ZNF804A: variants seen among roughly 807,000 people sequenced by gnomAD.
ZNF804A encodes the protein zinc finger protein 804A.
ZNF804A carries 2 observed loss-of-function variants against 16.5 expected under a neutral mutation model. That is an observed-to-expected ratio of 0.12 (90% CI 0.05 to 0.38). The LOEUF (loss-of-function observed/expected upper bound fraction) is 0.38, where lower values mean the gene tolerates loss of function less well. ZNF804A is among the 10% of genes least tolerant of loss of function. The probability of loss-of-function intolerance (pLI) is 0.99; values close to 1 mark genes in which losing one functional copy is unlikely to be tolerated. For synonymous variants in ZNF804A, 534 were observed against 489.6 expected (o/e 1.09, Z -1.20); for missense variants, 1,473 against 1,390.7 (o/e 1.06, Z -0.94).
At chr2:184,683,153 T>C (rs997258014) in intron 1 of ZNF804A, among the ~76,000 whole-genome samples, 1 of 152,248 alleles carries the variant, frequency 6.6e-6, no homozygotes, top group Non-Finnish European at 1.5e-5. Context: ...GGCATCGTAT[T>C]ATGTCTCTGT....
At chr2:184,825,628 T>C (rs923845769) in intron 1 of ZNF804A, among the ~76,000 whole-genome samples, 1 of 152,064 alleles carries the variant, frequency 6.6e-6, no homozygotes, top group African/African-American at 2.4e-5. Context: ...AGAAAGAAAC[T>C]CTTGACCAGG....
chr2:184,833,355 A>G (rs767175609), intron 1 of ZNF804A, among the ~76,000 whole-genome samples: 4 of 152,002 alleles, frequency 2.6e-5, no homozygotes, highest in Non-Finnish European at 4.4e-5. Flanking sequence ...AGATCTTCAG[A>G]TCAGTTCTGT....
intron 1 of ZNF804A, among the ~76,000 whole-genome samples, chr2:184,834,350 C>T (rs1178152365): frequency 6.6e-6 from 1 of 152,082 alleles, no homozygotes; most frequent in South Asian, 2.1e-4. Context: ...ACATGATACT[C>T]CAGATTCATC....
chr2:184,816,097 G>A (rs111751814), intron 1 of ZNF804A, among the ~76,000 whole-genome samples: 2 of 151,916 alleles, frequency 1.3e-5, no homozygotes, highest in African/African-American at 2.4e-5. Context: ...GCTGATTCTC[G>A]TTTCCCTCAG....
In ZNF804A at chr2:184,763,754, TG is replaced by T. The variant is rs534101849; in HGVS notation, c.112-102614del. ...ACCTCCCGGGTTCATGCCATTCTCC[TG>T]CCTCAGCCTCCTGAGTAGCTGGGAC... On this transcript the variant is annotated intron_variant, in intron 1 of 3. Transcript: ENST00000302277. Among the ~76,000 whole-genome samples, 617 of 144,224 alleles carry T rather than the reference TG, an allele frequency of 4.3e-3. 5 individuals are homozygous for T. Among genetic ancestry groups the T allele is most frequent in the African/African-American group, 0.015 (586 of 39,524 alleles). The allele number at this position is 144,224 out of a possible 152,430, so 94.6% of individuals were successfully genotyped here. A position where few individuals can be genotyped will look rare whatever the true frequency, so the allele number is the denominator to read the frequency against.
intron 1 of ZNF804A, among the ~76,000 whole-genome samples, chr2:184,809,455 T>A (rs943301407): frequency 4.6e-5 from 7 of 151,834 alleles, no homozygotes; most frequent in African/African-American, 1.7e-4. Flanking sequence ...ATTTAAAATA[T>A]AGAAAATATT....
At chr2:184,600,123 A>C (rs893682241) in intron 1 of ZNF804A, among the ~76,000 whole-genome samples, 2 of 152,194 alleles carry the variant, frequency 1.3e-5, no homozygotes, top group African/African-American at 2.4e-5. Context: ...TGAGGAGAGT[A>C]GAAGTTTAAG....
At chr2:184,719,464 T>C (rs1407528416) in intron 1 of ZNF804A, among the ~76,000 whole-genome samples, 1 of 152,188 alleles carries the variant, frequency 6.6e-6, no homozygotes, top group African/African-American at 2.4e-5. Flanking sequence ...TTCTTTACTA[T>C]CATGTTGTCA....
intron 1 of ZNF804A, among the ~76,000 whole-genome samples, chr2:184,819,461 A>G (rs1217776987): frequency 6.6e-6 from 1 of 151,972 alleles, no homozygotes; most frequent in African/African-American, 2.4e-5. Flanking sequence ...CCCACATCAA[A>G]AAGTTAGAAA....
At chr2:184,604,294 C>T (rs917185274) in intron 1 of ZNF804A, among the ~76,000 whole-genome samples, 1 of 151,054 alleles carries the variant, frequency 6.6e-6, no homozygotes, top group Non-Finnish European at 1.5e-5. Flanking sequence ...CCTCAGCCTC[C>T]CGAGTAGCTG....
chr2:184,774,002 A>C (rs1338643176), intron 1 of ZNF804A, among the ~76,000 whole-genome samples: 1 of 151,878 alleles, frequency 6.6e-6, no homozygotes, highest in East Asian at 1.9e-4. Context: ...GAGCTGTGTC[A>C]GTAAAAATTA....
At chr2:184,918,621 T>C (rs1194064998) in intron 2 of ZNF804A, among the ~76,000 whole-genome samples, 3 of 152,160 alleles carry the variant, frequency 2.0e-5, no homozygotes, top group African/African-American at 7.2e-5. Flanking sequence ...ATGAGGGTAA[T>C]CAAACAGTAT....
chr2:184,725,056 A>G (rs1380998415), intron 1 of ZNF804A, among the ~76,000 whole-genome samples: 4 of 151,806 alleles, frequency 2.6e-5, no homozygotes, highest in East Asian at 1.9e-4. Flanking sequence ...TAAGGCTTTC[A>G]CTATTGAATA....
At chr2:184,876,816 T>A (rs1684692163) in intron 2 of ZNF804A, among the ~76,000 whole-genome samples, 1 of 152,106 alleles carries the variant, frequency 6.6e-6, no homozygotes, top group African/African-American at 2.4e-5. Context: ...CTGTTGAGGG[T>A]AGGGAGCAAA....
At chr2:184,661,291 C>T (rs1197073962) in intron 1 of ZNF804A, among the ~76,000 whole-genome samples, 1 of 152,008 alleles carries the variant, frequency 6.6e-6, no homozygotes, top group Non-Finnish European at 1.5e-5. Context: ...TATAGTTCAA[C>T]GAGTAGGAAG....
rs139933035 is a variant in ZNF804A, at chr2:184,618,695, A to G, written c.111+19625A>G. Among the ~76,000 whole-genome samples, 7 of 152,170 alleles carry G rather than the reference A, an allele frequency of 4.6e-5. No homozygotes were observed. The East Asian group carries it at 1.2e-3, about 25-fold the overall frequency. ...AAAATTCCTAGTTCTGAAACCTTCT[A>G]TATACTATTAAGATTAATAAAACTT... On this transcript the variant is annotated intron_variant, in intron 1 of 3. Transcript: ENST00000302277.
At chr2:184,891,115 C>T (rs1210530747) in intron 2 of ZNF804A, among the ~76,000 whole-genome samples, 1 of 152,050 alleles carries the variant, frequency 6.6e-6, no homozygotes, top group African/African-American at 2.4e-5. Context: ...TAATATAAGC[C>T]AGAAACCTTG....
intron 1 of ZNF804A, among the ~76,000 whole-genome samples, chr2:184,783,138 G>GGT (rs748005163): frequency 1.2e-5 from 1 of 86,120 alleles, no homozygotes; most frequent in Non-Finnish European, 2.1e-5. Context: ...AAAAGAGTGA[G>GGT]TTTTTTTTTT....
At chr2:184,769,260 G>T (rs1694176905) in intron 1 of ZNF804A, among the ~76,000 whole-genome samples, 1 of 151,938 alleles carries the variant, frequency 6.6e-6, no homozygotes, top group Admixed American at 6.6e-5. Context: ...TATGAATCAG[G>T]CTTGCAAAAT....
Sources: allele counts gnomAD v4.1 joint callset (sites outside exome capture counted in the v4.1 genomes callset), GRCh38; gene constraint gnomAD v4.1.1; transcripts MANE v1.5; gene names NCBI Gene and HGNC (gene_info 2026-07-23, HGNC 2026-07-21).